Variants in XRCC2 observed in about 807,000 individuals in gnomAD.
The protein encoded by XRCC2 is DNA repair protein XRCC2.
A neutral mutation model predicts 27.3 loss-of-function variants in XRCC2; 24 were observed. That is an observed-to-expected ratio of 0.88 (90% CI 0.64 to 1.24). XRCC2 has a LOEUF of 1.24. Ranked by LOEUF, XRCC2 falls within the 50% of genes most tolerant of loss-of-function variation. The probability of loss-of-function intolerance (pLI) is 0.00; values close to 1 mark genes in which losing one functional copy is unlikely to be tolerated. For missense variants in XRCC2, 321 were observed against 325.8 expected (o/e 0.99, Z 0.11); for synonymous variants, 106 against 115.4 (o/e 0.92, Z 0.52).
In XRCC2 at chr7:152,667,405, C is replaced by CA. The variant is rs60136474; in HGVS notation, c.40-6624dup. On this transcript the variant is annotated intron_variant, in intron 1 of 2. Coordinates refer to ENST00000359321, the MANE Select transcript of XRCC2 (RefSeq NM_005431.2). Reference sequence around the variant, plus strand: ...GGGCAACAAGAGCAAAACTCCGTCTCAAAAAAAAAAAAAAAAAAAAAGAAA... The same window carrying CA: ...GGGCAACAAGAGCAAAACTCCGTCTCAAAAAAAAAAAAAAAAAAAAAAGAAA... 8.5e-3 allele frequency among the ~76,000 whole-genome samples: 643 copies of CA among 75,828 alleles called. 23 individuals carry two copies. Among genetic ancestry groups the CA allele is most frequent in the African/African-American group, 0.04 (504 of 12,458 alleles). 49.7% of individuals were successfully genotyped at this position (75,828 alleles called of 152,430 possible).
In XRCC2 at chr7:152,663,346, T is replaced by TAAAAAAAAAAAA. The variant is rs530664762; in HGVS notation, c.40-2576_40-2565dup. 1.2e-3 allele frequency among the ~76,000 whole-genome samples: 94 copies of TAAAAAAAAAAAA among 80,870 alleles called. 1 individual carries two copies. The highest frequency in any genetic ancestry group is 1.5e-3 in the Non-Finnish European group (61 of 40,446). 53.1% of individuals were successfully genotyped at this position (80,870 alleles called of 152,430 possible). On this transcript the variant is annotated intron_variant, in intron 1 of 2. Transcript: ENST00000359321. ...GCTTTACGTAAGAATGTCTTTGAAGTAAAAAAAAAAAAAAAAAAAAAAAAA... is the reference window on the plus strand; with the variant it reads ...GCTTTACGTAAGAATGTCTTTGAAGTAAAAAAAAAAAAAAAAAAAAAAAAAAAAAAAAAAAAA...
Position 152,660,736 on chromosome 7 carries a change from G to C in XRCC2, c.86C>G (p.Pro29Arg). The C allele has an allele frequency of 6.2e-7, 1 of 1,613,470 alleles. No individual in the cohort carries two copies. The highest frequency in any genetic ancestry group is 8.5e-7 in the Non-Finnish European group (1 of 1,179,866). The change falls in exon 2 of 3, where the codon CCA becomes CGA. Residue 29 changes from proline to arginine, a missense_variant. Coordinates refer to ENST00000359321, the MANE Select transcript of XRCC2 (RefSeq NM_005431.2). ...EGRSSLKEIEPNLFADEDSPV... is the reference protein window; with the variant it reads ...EGRSSLKEIERNLFADEDSPV... ...TGAATCTTCATCAGCAAACAGATTTGGTTCTATTTCTTTCAAGGAACTTCT... is the reference window on the plus strand; with the variant it reads ...TGAATCTTCATCAGCAAACAGATTTCGTTCTATTTCTTTCAAGGAACTTCT...
At position 152,660,743 on chromosome 7, in the gene XRCC2, T is replaced by C. The variant is rs1005181554; in HGVS notation, c.79A>G (p.Ile27Val). 1 of 1,613,564 alleles carries C rather than the reference T, an allele frequency of 6.2e-7. No homozygotes were observed. The highest frequency in any genetic ancestry group is 1.3e-5 in the African/African-American group (1 of 74,942). ...RLEGRSSLKE[I>V]EPNLFADEDS... ...TCATCAGCAAACAGATTTGGTTCTA[T>C]TTCTTTCAAGGAACTTCTACCTTCA... is the stretch of plus-strand genomic sequence containing the variant. Residue 27 changes from isoleucine to valine, a missense_variant, in exon 2 of 3, where the codon ATA (isoleucine) becomes GTA (valine). Physicochemically the swap from Ile to Val is conservative, Grantham distance 29 (BLOSUM62 3). Transcript: ENST00000359321.
chr7:152,656,202 G>A (rs560915660), intron 2 of XRCC2, among the ~76,000 whole-genome samples: 1 of 152,070 alleles, frequency 6.6e-6, no homozygotes, highest in Non-Finnish European at 1.5e-5. Context: ...ATGTATCCTA[G>A]AATTTAAAAT....
chr7:152,673,233 A>G (rs2098038863), intron 1 of XRCC2, among the ~76,000 whole-genome samples: 1 of 152,072 alleles, frequency 6.6e-6, no homozygotes, highest in Admixed American at 6.6e-5. Context: ...CCCAGGCTGG[A>G]GTGCAGTGGC....
chr7:152,663,372 A>AAAAAAAAAAAAAAAAAAAAAG (rs2098034195), intron 1 of XRCC2, among the ~76,000 whole-genome samples: 1 of 145,214 alleles, frequency 6.9e-6, no homozygotes. Flanking sequence ...AAAAAAAAAA[A>AAAAAAAAAAAAAAAAAAAAAG]AGACTGCTTT....
At chr7:152,666,340 T>C (rs534093450) in intron 1 of XRCC2, among the ~76,000 whole-genome samples, 1 of 152,116 alleles carries the variant, frequency 6.6e-6, no homozygotes, top group East Asian at 1.9e-4. Flanking sequence ...GCCTCCTGAG[T>C]AGCTGGGACC....
intron 2 of XRCC2, among the ~76,000 whole-genome samples, chr7:152,650,391 C>T (rs899041787): frequency 6.6e-6 from 1 of 152,230 alleles, no homozygotes; most frequent in African/African-American, 2.4e-5. Flanking sequence ...CTCCAACTCT[C>T]CTTCTATCTA....
At position 152,676,018 on chromosome 7, in the gene XRCC2, A is replaced by G. The variant is rs192964346; in HGVS notation, c.39+23T>C. 3.0e-5 allele frequency: 48 copies of G among 1,612,308 alleles called. No individual in the cohort carries two copies. The East Asian group carries it at 1.0e-3, about 35-fold the overall frequency. The stretch of plus-strand genomic sequence containing the variant: ...CGGCGGCCTTGTTCCCATCTCCCTC[A>G]CTCCCAACCCGGCGGCTCTCACCTC... On this transcript the variant is annotated intron_variant, in intron 1 of 2. Coordinates refer to ENST00000359321, the MANE Select transcript of XRCC2 (RefSeq NM_005431.2).
At chr7:152,651,770 TCCCAAA>T (rs2098028627) in intron 2 of XRCC2, among the ~76,000 whole-genome samples, 1 of 151,512 alleles carries the variant, frequency 6.6e-6, no homozygotes, top group Non-Finnish European at 1.5e-5. Context: ...TGCCTCAGCC[TCCCAAA>T]GTGCTGGGAT....
At position 152,645,150 on chromosome 7, in the gene XRCC2, C is replaced by G. The variant is rs1233993737; in HGVS notation, c.*3492G>C. 1.3e-5 allele frequency: 2 copies of G among 151,882 alleles called. No individual in the cohort carries two copies. Among genetic ancestry groups the G allele is most frequent in the East Asian group, 1.9e-4 (1 of 5,194 alleles). 9.4% of individuals were successfully genotyped at this position (151,882 alleles called of 1,614,324 possible). ...GAAAAGGGTTAAACTCTGCTTCTTA[C>G]AATAAAGCTTTGTAATTTTCTCCAA... On this transcript the variant is annotated 3_prime_UTR_variant, in exon 3 of 3. Transcript: ENST00000359321.
chr7:152,667,420 A>AAAAG (rs1554412441), intron 1 of XRCC2, among the ~76,000 whole-genome samples: 2 of 74,714 alleles, frequency 2.7e-5, no homozygotes, highest in Non-Finnish European at 5.7e-5. Context: ...AAAAAAAAAA[A>AAAAG]AAAAAAGAAA....
chr7:152,668,784 G>A (rs2098037001), intron 1 of XRCC2, among the ~76,000 whole-genome samples: 1 of 152,188 alleles, frequency 6.6e-6, no homozygotes, highest in African/African-American at 2.4e-5. Context: ...TACTTGGATT[G>A]TAAATCAGCA....
intron 1 of XRCC2, among the ~76,000 whole-genome samples, chr7:152,674,935 T>C (rs954298154): frequency 6.6e-6 from 1 of 151,722 alleles, no homozygotes; most frequent in Non-Finnish European, 1.5e-5. Flanking sequence ...TATTTATCTA[T>C]GACTGCCTTC....
chr7:152,674,710 T>TAATATATTTTTAAATATATATTATATATA (rs1554413330), intron 1 of XRCC2, among the ~76,000 whole-genome samples: 1 of 17,486 alleles, frequency 5.7e-5, no homozygotes, highest in Non-Finnish European at 9.2e-5. Context: ...TATATTTATA[T>TAATATATTTTTAAATATATATTATATATA]AATATATTTT....
chr7:152,666,753 A>T (rs1374869472), intron 1 of XRCC2, among the ~76,000 whole-genome samples: 1 of 151,064 alleles, frequency 6.6e-6, no homozygotes, highest in Non-Finnish European at 1.5e-5. Flanking sequence ...AAGTAGCTGG[A>T]ATTACAGGCG....
At chr7:152,656,086 C>A (rs557586952) in intron 2 of XRCC2, among the ~76,000 whole-genome samples, 1 of 152,130 alleles carries the variant, frequency 6.6e-6, no homozygotes, top group African/African-American at 2.4e-5. Context: ...GGAGGGAGCG[C>A]GTCAGGACAA....
rs774755443 is a variant in XRCC2, at chr7:152,646,072, C to T, written c.*2570G>A. ...TGGATCTGTCCTGCTGTATTCGGTT[C>T]TTTTAAATTTAAAAATCAGCCCACC... On this transcript the variant is annotated 3_prime_UTR_variant, in exon 3 of 3. Transcript: ENST00000359321. 6.6e-6 allele frequency: 1 copy of T among 152,136 alleles called. No homozygotes were observed. The allele number at this position is 152,136 out of a possible 1,614,324, so 9.4% of individuals were successfully genotyped here.
intron 2 of XRCC2, among the ~76,000 whole-genome samples, chr7:152,657,678 G>A (rs575304356): frequency 6.6e-6 from 1 of 152,252 alleles, no homozygotes; most frequent in Non-Finnish European, 1.5e-5. Flanking sequence ...TAAAGATGTA[G>A]GGAATACCTA....
Sources: gnomAD v4.1 joint callset for allele counts (sites outside exome capture counted in the v4.1 genomes callset) on GRCh38, gnomAD v4.1.1 for gene constraint, MANE v1.5 for transcripts, NCBI Gene and HGNC (gene_info 2026-07-23, HGNC 2026-07-21) for gene names.